MBNL1: variants seen among roughly 807,000 people sequenced by gnomAD.
MBNL1 encodes the protein muscleblind like splicing regulator 1.
MBNL1 carries 8 observed loss-of-function variants against 42.2 expected under a neutral mutation model. That is an observed-to-expected ratio of 0.19 (90% CI 0.11 to 0.34). The LOEUF (loss-of-function observed/expected upper bound fraction) is 0.34. Among genes scored for constraint, MBNL1 ranks in the 10% least tolerant of loss-of-function variants. The pLI is 1.00. For missense variants in MBNL1, 309 were observed against 495.3 expected (o/e 0.62, Z 3.57); for synonymous variants, 169 against 173.9 (o/e 0.97, Z 0.22).
chr3:152,432,956 T>G, intron 4 of MBNL1, 36 bp downstream of exon 4: 1 of 1,546,024 alleles, frequency 6.5e-7, no homozygotes, highest in East Asian at 2.3e-5. Flanking sequence ...ATATACTACA[T>G]TCTAATTCTC....
chr3:152,247,826 A>G (rs2033483507), intron 2 of MBNL1, among the ~76,000 whole-genome samples: 1 of 151,976 alleles, frequency 6.6e-6, no homozygotes, highest in Non-Finnish European at 1.5e-5. Context: ...CCAGATTTGC[A>G]TATTTAAATC....
At chr3:152,441,133 T>A (rs1034281724) in intron 4 of MBNL1, among the ~76,000 whole-genome samples, 5 of 152,196 alleles carry the variant, frequency 3.3e-5, no homozygotes, top group African/African-American at 7.2e-5. Flanking sequence ...ACATATTACC[T>A]CAAAGGGATA....
intron 2 of MBNL1, among the ~76,000 whole-genome samples, chr3:152,411,700 T>C (rs1455514497): frequency 6.6e-6 from 1 of 152,216 alleles, no homozygotes; most frequent in African/African-American, 2.4e-5. Flanking sequence ...TTTAGACTTT[T>C]AAAATGTAAT....
At chr3:152,407,209 CTTTTTTT>C (rs60509782) in intron 2 of MBNL1, among the ~76,000 whole-genome samples, 25 of 54,356 alleles carry the variant, frequency 4.6e-4, no homozygotes, top group African/African-American at 1.4e-3. Flanking sequence ...GAAATATGTT[CTTTTTTT>C]TTTTTTTTTT....
rs77554617 is a variant in MBNL1, at chr3:152,395,161, C to T, written c.175-19780C>T. Among the ~76,000 whole-genome samples, 34 of 152,224 alleles carry T rather than the reference C, an allele frequency of 2.2e-4. No individual in the cohort carries two copies. In the East Asian group the frequency reaches 6.6e-3, roughly 29 times the overall value. ...GGTGTGAGCTACCGTGCCCGGCCTT[C>T]AGCTTTTATTTAATTATTATATTCA... On this transcript the variant is annotated intron_variant, in intron 2 of 9. Transcript: ENST00000324210.
intron 2 of MBNL1, among the ~76,000 whole-genome samples, chr3:152,389,777 C>T (rs2097605188): frequency 6.6e-6 from 1 of 152,158 alleles, no homozygotes; most frequent in South Asian, 2.1e-4. Flanking sequence ...TCAGAGATTA[C>T]TATACATGAC....
At chr3:152,315,037 A>G (rs756011590) in intron 2 of MBNL1, among the ~76,000 whole-genome samples, 2 of 152,344 alleles carry the variant, frequency 1.3e-5, no homozygotes, top group Admixed American at 1.3e-4. Flanking sequence ...AGTTAATTGT[A>G]TTACTTGATG....
At chr3:152,403,553 C>G (rs1425471394) in intron 2 of MBNL1, among the ~76,000 whole-genome samples, 1 of 151,972 alleles carries the variant, frequency 6.6e-6, no homozygotes. Flanking sequence ...AATTCTGAGA[C>G]TTTTCTATTT....
At chr3:152,326,648 A>C (rs2080336637) in intron 2 of MBNL1, among the ~76,000 whole-genome samples, 1 of 152,066 alleles carries the variant, frequency 6.6e-6, no homozygotes, top group African/African-American at 2.4e-5. Flanking sequence ...TATCAGAAAA[A>C]GGGAAAAAAT....
intron 2 of MBNL1, among the ~76,000 whole-genome samples, chr3:152,309,041 A>G (rs945397444): frequency 4.6e-5 from 7 of 152,270 alleles, no homozygotes; most frequent in Admixed American, 3.3e-4. Context: ...GGTGGCGGCA[A>G]TGGTTAGGAG....
chr3:152,294,019 C>A (rs1304036493), intron 1 of MBNL1, among the ~76,000 whole-genome samples: 2 of 151,612 alleles, frequency 1.3e-5, no homozygotes, highest in Non-Finnish European at 2.9e-5. Flanking sequence ...TTTCATTCTT[C>A]TTTATCCTTT....
intron 3 of MBNL1, among the ~76,000 whole-genome samples, chr3:152,424,339 T>C (rs2098862200): frequency 6.6e-6 from 1 of 152,136 alleles, no homozygotes. Flanking sequence ...ACAAAGAGAA[T>C]AAATTACCTA....
At chr3:152,440,030 C>T (rs975494529) in intron 4 of MBNL1, among the ~76,000 whole-genome samples, 1 of 151,938 alleles carries the variant, frequency 6.6e-6, no homozygotes, top group Admixed American at 6.6e-5. Flanking sequence ...TTTGGTCATT[C>T]CTATTCAGAT....
chr3:152,393,924 A>T (rs1044954468), intron 2 of MBNL1, among the ~76,000 whole-genome samples: 2 of 151,940 alleles, frequency 1.3e-5, no homozygotes, highest in Admixed American at 6.6e-5. Context: ...ATTTTAAATA[A>T]TTTTTTCTGA....
upstream of MBNL1, chr3:152,266,818 C>T (rs1364165639): frequency 2.6e-5 from 4 of 152,398 alleles, no homozygotes; most frequent in Admixed American, 2.0e-4. Flanking sequence ...TCCAGTCTGT[C>T]CACACCCATT....
intron 6 of MBNL1, among the ~76,000 whole-genome samples, chr3:152,454,589 A>G (rs1580813848): frequency 6.6e-6 from 1 of 152,220 alleles, no homozygotes; most frequent in East Asian, 1.9e-4. Flanking sequence ...AACAAGGACT[A>G]TCTATATATG....
At chr3:152,424,312 T>G (rs1230050859) in intron 3 of MBNL1, among the ~76,000 whole-genome samples, 1 of 152,110 alleles carries the variant, frequency 6.6e-6, no homozygotes, top group East Asian at 1.9e-4. Flanking sequence ...ATGAGTGAAC[T>G]CCCATTCACA....
intron 3 of MBNL1, among the ~76,000 whole-genome samples, chr3:152,416,884 C>G (rs2098711156): frequency 6.6e-6 from 1 of 152,190 alleles, no homozygotes. Context: ...ATCACATTTT[C>G]TGATGCTTTT....
intron 2 of MBNL1, among the ~76,000 whole-genome samples, chr3:152,363,803 A>G (rs1560299320): frequency 6.6e-6 from 1 of 152,142 alleles, no homozygotes; most frequent in Admixed American, 6.5e-5. Context: ...TCATTGCTAT[A>G]TCATTACCTT....
Sources: gnomAD v4.1 joint callset for allele counts (sites outside exome capture counted in the v4.1 genomes callset) on GRCh38, gnomAD v4.1.1 for gene constraint, MANE v1.5 for transcripts, NCBI Gene and HGNC (gene_info 2026-07-23, HGNC 2026-07-21) for gene names.